Variants in AFAP1L2 observed in about 807,000 individuals in gnomAD.
The protein encoded by AFAP1L2 is actin filament associated protein 1 like 2.
A neutral mutation model predicts 99.3 loss-of-function variants in AFAP1L2; 46 were observed. The ratio of observed to expected loss-of-function variants is 0.46; its 90% confidence interval spans 0.37 to 0.59. The LOEUF (loss-of-function observed/expected upper bound fraction) is 0.59. Among genes scored for constraint, AFAP1L2 ranks in the 20% least tolerant of loss-of-function variants. AFAP1L2 has a pLI of 0.00. For synonymous variants in AFAP1L2, 397 were observed against 419.1 expected, an observed-to-expected ratio of 0.95 and a Z score of 0.64; for missense variants, 959 against 1,034.9, an observed-to-expected ratio of 0.93 and a Z score of 1.01.
In AFAP1L2 at chr10:114,349,394, A is replaced by AG. The variant is rs1286502995; in HGVS notation, c.17-8664_17-8663insC. 4.0e-5 allele frequency among the ~76,000 whole-genome samples: 6 copies of AG among 149,082 alleles called. No individual in the cohort carries two copies. In the East Asian group the frequency reaches 7.7e-4, roughly 19 times the overall value. ...GTGAAACTCGGTCTCAAAAAAAAAA[A>AG]AAAAAAAAAGAAAAGAAAAGAGAAA... On this transcript the variant is annotated intron_variant, in intron 1 of 18. Coordinates refer to ENST00000304129, the MANE Select transcript of AFAP1L2 (RefSeq NM_001001936.3).
chr10:114,400,236 T>C (rs916530597), intron 1 of AFAP1L2, among the ~76,000 whole-genome samples: 2 of 152,228 alleles, frequency 1.3e-5, no homozygotes, highest in African/African-American at 4.8e-5. Context: ...TGGCCTTTCC[T>C]GGCCCTTTAA....
intron 1 of AFAP1L2, among the ~76,000 whole-genome samples, chr10:114,346,297 T>C (rs542971657): frequency 6.6e-6 from 1 of 152,312 alleles, no homozygotes; most frequent in East Asian, 1.9e-4. Flanking sequence ...CCCTAGGTTG[T>C]GGACTGTCAA....
chr10:114,310,787 A>G (rs2043114406), intron 7 of AFAP1L2, among the ~76,000 whole-genome samples: 1 of 152,222 alleles, frequency 6.6e-6, no homozygotes, highest in African/African-American at 2.4e-5. Flanking sequence ...CATTCCAGGC[A>G]GGGCTACTGT....
chr10:114,403,606 CT>C lies in AFAP1L2; in HGVS notation c.16+833del, dbSNP rs971255894. On this transcript the variant is annotated intron_variant, in intron 1 of 18. Transcript: ENST00000304129. ...CCGCAGGGTTCCTCTTAAGGGGCAA[CT>C]CCCTGTACTCCCTTTTCAAAAGAAC... Among the ~76,000 whole-genome samples the C allele has an allele frequency of 1.9e-4, 29 of 152,212 alleles. 1 individual carries two copies. The highest frequency in any genetic ancestry group is 7.2e-4 in the Admixed American group (11 of 15,286).
chr10:114,312,369 T>C (rs541002881), intron 7 of AFAP1L2, among the ~76,000 whole-genome samples: 1 of 152,244 alleles, frequency 6.6e-6, no homozygotes, highest in South Asian at 2.1e-4. Context: ...TACAAATGTA[T>C]ACATGAATGT....
At chr10:114,352,144 C>A (rs2050605653) in intron 1 of AFAP1L2, among the ~76,000 whole-genome samples, 2 of 152,140 alleles carry the variant, frequency 1.3e-5, no homozygotes, top group South Asian at 4.1e-4. Flanking sequence ...TGTAAATACA[C>A]ACACACATTA....
At chr10:114,399,003 C>A (rs1379079074) in intron 1 of AFAP1L2, 2 of 1,065,078 alleles carry the variant, frequency 1.9e-6, no homozygotes, top group Non-Finnish European at 1.3e-6. Flanking sequence ...GATTTTGCTT[C>A]ATTTCTTTTT....
intron 1 of AFAP1L2, among the ~76,000 whole-genome samples, chr10:114,389,913 T>C (rs1017766448): frequency 3.3e-5 from 5 of 152,244 alleles, no homozygotes; most frequent in African/African-American, 1.2e-4. Context: ...CTTGAGCTTC[T>C]GGTATTGTTC....
At chr10:114,357,575 T>C (rs35454279) in intron 1 of AFAP1L2, among the ~76,000 whole-genome samples, 14,899 of 152,244 alleles carry the variant, frequency 0.098, 1,883 homozygotes, top group African/African-American at 0.29. Flanking sequence ...CAATATTCCA[T>C]TGAAAGCAGT....
At position 114,363,168 on chromosome 10, in the gene AFAP1L2, G is replaced by C. The variant is rs536357890; in HGVS notation, c.17-22437C>G. The stretch of plus-strand genomic sequence containing the variant: ...ACATAAGCAGCAAACTGGGGAAACG[G>C]GTTCCTGGGAATCAAGGAGAGGCAA... On this transcript the variant is annotated intron_variant, in intron 1 of 18. Coordinates refer to ENST00000304129, the MANE Select transcript of AFAP1L2 (RefSeq NM_001001936.3). 25 of 985,418 alleles carry C rather than the reference G, an allele frequency of 2.5e-5. No individual in the cohort carries two copies. The African/African-American group carries it at 4.0e-4, about 16-fold the overall frequency. 61.0% of individuals were successfully genotyped at this position (985,418 alleles called of 1,614,324 possible).
Position 114,296,386 on chromosome 10 carries a change from A to G in AFAP1L2, c.2431-318T>C, listed in dbSNP as rs540207950. ...AATATCTCCAGCAGGTAAGGAGGATAGGAATAAGGAGCAGAATTTGCCAAA... is the reference window on the plus strand; with the variant it reads ...AATATCTCCAGCAGGTAAGGAGGATGGGAATAAGGAGCAGAATTTGCCAAA... On this transcript the variant is annotated intron_variant, in intron 18 of 18. Transcript: ENST00000304129. The G allele has an allele frequency of 1.0e-4, 37 of 361,516 alleles. 1 individual carries two copies. The South Asian group carries it at 1.1e-3, about 10-fold the overall frequency. 22.4% of individuals were successfully genotyped at this position (361,516 alleles called of 1,614,324 possible).
In AFAP1L2 at chr10:114,314,149, G is replaced by A. The variant is rs1467856998; in HGVS notation, c.613-99C>T. Reference sequence around the variant, plus strand: ...CGCTGGACGTTGCAGGACTCACCAAGAGCCTGACTTAACCCAGCAAGACTA... The same window carrying A: ...CGCTGGACGTTGCAGGACTCACCAAAAGCCTGACTTAACCCAGCAAGACTA... On this transcript the variant is annotated intron_variant, in intron 6 of 18. Coordinates refer to ENST00000304129, the MANE Select transcript of AFAP1L2 (RefSeq NM_001001936.3). The A allele has an allele frequency of 4.9e-6, 6 of 1,236,376 alleles. No individual in the cohort carries two copies. In the South Asian group the frequency reaches 6.1e-5, roughly 13 times the overall value. The allele number at this position is 1,236,376 out of a possible 1,614,324, so 76.6% of individuals were successfully genotyped here. A position where few individuals can be genotyped will look rare whatever the true frequency, so the allele number is the denominator to read the frequency against.
Position 114,307,857 on chromosome 10 carries a change from G to A in AFAP1L2, c.1020C>T (p.Gly340=), listed in dbSNP as rs2042658040. The A allele has an allele frequency of 1.9e-6, 3 of 1,614,012 alleles. No homozygotes were observed. The highest frequency in any genetic ancestry group is 2.5e-6 in the Non-Finnish European group (3 of 1,180,022). The change falls in exon 10 of 19, where the codon GGC becomes GGT. Residue 340 remains glycine, a synonymous_variant. Coordinates refer to ENST00000304129, the MANE Select transcript of AFAP1L2 (RefSeq NM_001001936.3). ...GCTCCAGTGAGGTGGATTTCTTCCT[G>A]CCCAGATTCATTAGGTTGCTCAGTT... The part of the protein sequence containing the change: ...GLKLSNLMNL[G]RKKSTSLEPV...
intron 11 of AFAP1L2, among the ~76,000 whole-genome samples, chr10:114,302,802 TGTTA>T (rs1309435858): frequency 6.6e-6 from 1 of 152,216 alleles, no homozygotes; most frequent in East Asian, 1.9e-4. Flanking sequence ...TATTAAAAAC[TGTTA>T]GTGACCACCT....
chr10:114,387,453 C>T (rs2056644020), intron 1 of AFAP1L2, among the ~76,000 whole-genome samples: 1 of 152,202 alleles, frequency 6.6e-6, no homozygotes, highest in Admixed American at 6.5e-5. Context: ...AAAGCAAAGG[C>T]TGTAGGCATC....
At chr10:114,328,464 C>A (rs577107728) in intron 4 of AFAP1L2, among the ~76,000 whole-genome samples, 1 of 152,056 alleles carries the variant, frequency 6.6e-6, no homozygotes, top group African/African-American at 2.4e-5. Context: ...GGAGGAAGGG[C>A]GGGTTTTCTG....
intron 18 of AFAP1L2, 42 bp from the exon 19 acceptor site, chr10:114,296,110 A>AAGAT (rs755313650): frequency 1.1e-4 from 183 of 1,613,526 alleles, no homozygotes; most frequent in East Asian, 2.7e-4. Context: ...CCCCACCAAA[A>AAGAT]AGATAGTTAG....
intron 1 of AFAP1L2, among the ~76,000 whole-genome samples, chr10:114,374,456 T>C (rs1177404477): frequency 6.6e-6 from 1 of 152,120 alleles, no homozygotes; most frequent in Non-Finnish European, 1.5e-5. Context: ...CTGGAGCCTC[T>C]TCATGGACAC....
At chr10:114,383,372 G>C (rs1168353023) in intron 1 of AFAP1L2, among the ~76,000 whole-genome samples, 1 of 151,998 alleles carries the variant, frequency 6.6e-6, no homozygotes, top group Non-Finnish European at 1.5e-5. Flanking sequence ...GGGAACACAA[G>C]AAGGGTGAAG....
Sources: allele counts gnomAD v4.1 joint callset (sites outside exome capture counted in the v4.1 genomes callset), GRCh38; gene constraint gnomAD v4.1.1; transcripts MANE v1.5; gene names NCBI Gene and HGNC (gene_info 2026-07-23, HGNC 2026-07-21).